NFATC2: variants seen among roughly 807,000 people sequenced by gnomAD.
The protein encoded by NFATC2 is nuclear factor of activated T-cells, cytoplasmic 2.
In NFATC2, 22 loss-of-function variants were observed where a neutral mutation model predicts 87.3. That is an observed-to-expected ratio of 0.25 (90% confidence interval 0.18 to 0.36). The LOEUF (loss-of-function observed/expected upper bound fraction) is 0.36, where lower values mean the gene tolerates loss of function less well. NFATC2 is among the 10% of genes least tolerant of loss of function. The probability of loss-of-function intolerance (pLI) is 1.00; values close to 1 mark genes in which losing one functional copy is unlikely to be tolerated. For synonymous variants in NFATC2, 565 were observed against 542.2 expected (o/e 1.04, Z -0.58); for missense variants, 1,149 against 1,259.1 (o/e 0.91, Z 1.32).
At chr20:51,474,293 C>A in intron 4 of NFATC2, 141 bp from the exon 5 acceptor site, 1 of 968,904 alleles carries the variant, frequency 1.0e-6, no homozygotes, top group South Asian at 2.0e-5. Context: ...GAATGTATAC[C>A]AAGATGGGGG....
intron 3 of NFATC2, among the ~76,000 whole-genome samples, chr20:51,513,844 C>A (rs959283399): frequency 1.3e-5 from 2 of 152,230 alleles, no homozygotes; most frequent in Non-Finnish European, 2.9e-5. Context: ...TGGAGTGGCC[C>A]GCAGGAGGCG....
In NFATC2 at chr20:51,519,705, G is replaced by A. The variant is rs577129054; in HGVS notation, c.1161-2750C>T. 4.7e-5 allele frequency among the ~76,000 whole-genome samples: 7 copies of A among 147,576 alleles called. No individual in the cohort carries two copies. The South Asian group carries it at 1.5e-3, about 32-fold the overall frequency. ...CCAATGCAGGCAGATGACGAGGTCA[G>A]GAGTTTGAGACCAGCCTGACCAACA... On this transcript the variant is annotated intron_variant, in intron 2 of 10. Transcript: ENST00000371564.
chr20:51,537,470 C>T lies in NFATC2; in HGVS notation c.130+4900G>A, dbSNP rs137930606. Among the ~76,000 whole-genome samples the T allele has an allele frequency of 2.3e-3, 350 of 152,120 alleles. 3 individuals carry two copies. Among genetic ancestry groups the T allele is most frequent in the East Asian group, 0.015 (79 of 5,184 alleles). On this transcript the variant is annotated intron_variant, in intron 1 of 10. Transcript: ENST00000371564. The stretch of plus-strand genomic sequence containing the variant: ...GAACCAGTTTTCCTTTCTGAAAGGC[C>T]GAAGTTGGTATTAAATGCTTTAGCT...
chr20:51,458,152 T>C (rs1397117704), intron 5 of NFATC2, among the ~76,000 whole-genome samples: 1 of 152,168 alleles, frequency 6.6e-6, no homozygotes, highest in Non-Finnish European at 1.5e-5. Context: ...GTTGGGATTA[T>C]AGGCACGAGC....
At chr20:51,540,171 C>G (rs2076783251) in intron 1 of NFATC2, among the ~76,000 whole-genome samples, 1 of 152,168 alleles carries the variant, frequency 6.6e-6, no homozygotes. Context: ...TTCCACCATG[C>G]CTGGCTAATT....
intron 1 of NFATC2, among the ~76,000 whole-genome samples, chr20:51,557,285 C>T (rs2076986847): frequency 6.6e-6 from 1 of 152,168 alleles, no homozygotes. Context: ...TATTATTATT[C>T]AGCATTACAG....
chr20:51,557,562 C>G (rs1440843578), intron 1 of NFATC2, among the ~76,000 whole-genome samples: 1 of 152,168 alleles, frequency 6.6e-6, no homozygotes, highest in Non-Finnish European at 1.5e-5. Flanking sequence ...ATGTGAGTAT[C>G]TGTTGGATGG....
intron 10 of NFATC2, among the ~76,000 whole-genome samples, chr20:51,391,800 AC>A (rs2146196673): frequency 6.6e-6 from 1 of 152,122 alleles, no homozygotes; most frequent in East Asian, 1.9e-4. Context: ...ACAGGCATGA[AC>A]CATTCTGCCC....
rs1292962713 is a variant in NFATC2, at chr20:51,562,224, G to A, written c.70+336C>T. On this transcript the variant is annotated intron_variant, in intron 1 of 10. Transcript: ENST00000414705. The surrounding 1 kb of genome is among the most constrained non-coding windows in gnomAD (Gnocchi z 5.8). The stretch of plus-strand genomic sequence containing the variant: ...GCTGTCAAAAGCCGAGTGCTGAAAC[G>A]GTTAAACAGCCAGCGGTTAGTAGCG... Among the ~76,000 whole-genome samples, 1 of 152,212 alleles carries A rather than the reference G, an allele frequency of 6.6e-6. No homozygotes were observed. Among genetic ancestry groups the A allele is most frequent in the Non-Finnish European group, 1.5e-5 (1 of 68,032 alleles).
intron 3 of NFATC2, among the ~76,000 whole-genome samples, chr20:51,481,797 A>C (rs1989282214): frequency 6.6e-6 from 1 of 152,140 alleles, no homozygotes; most frequent in East Asian, 1.9e-4. Context: ...TGATTTAGAC[A>C]TCCCGCCACA....
At chr20:51,538,420 C>A (rs565417087) in intron 1 of NFATC2, among the ~76,000 whole-genome samples, 1 of 152,202 alleles carries the variant, frequency 6.6e-6, no homozygotes, top group Non-Finnish European at 1.5e-5. Flanking sequence ...ACTTCCTTTA[C>A]ATAATTCATA....
chr20:51,536,216 C>T (rs572729778), intron 1 of NFATC2, among the ~76,000 whole-genome samples: 4 of 152,278 alleles, frequency 2.6e-5, no homozygotes, highest in African/African-American at 2.4e-5. Context: ...AAGAGGTGAA[C>T]GTGCACACAT....
chr20:51,536,748 C>G (rs1003248189), intron 1 of NFATC2, among the ~76,000 whole-genome samples: 1 of 152,224 alleles, frequency 6.6e-6, no homozygotes, highest in Non-Finnish European at 1.5e-5. Flanking sequence ...CTCATTTCAC[C>G]TTTCCAGCTG....
chr20:51,463,321 G>T (rs868638831), intron 5 of NFATC2, among the ~76,000 whole-genome samples: 1 of 152,226 alleles, frequency 6.6e-6, no homozygotes, highest in Non-Finnish European at 1.5e-5. Context: ...GGTATGATGT[G>T]TGCAAATGCA....
At chr20:51,495,864 C>T (rs1256422430) in intron 3 of NFATC2, among the ~76,000 whole-genome samples, 1 of 152,166 alleles carries the variant, frequency 6.6e-6, no homozygotes, top group Non-Finnish European at 1.5e-5. Context: ...CTGTGGGAAA[C>T]CTGTGGATCA....
intron 5 of NFATC2, among the ~76,000 whole-genome samples, chr20:51,459,894 GAAACA>G (rs1483826504): frequency 6.6e-6 from 1 of 151,842 alleles, no homozygotes; most frequent in East Asian, 1.9e-4. Context: ...AACAAACAAA[GAAACA>G]AAACAAAACA....
intron 3 of NFATC2, among the ~76,000 whole-genome samples, chr20:51,506,675 A>C (rs2076187293): frequency 6.6e-6 from 1 of 152,200 alleles, no homozygotes; most frequent in South Asian, 2.1e-4. Flanking sequence ...GAAGGGCAGC[A>C]GGGCCAGCTG....
In NFATC2 at chr20:51,435,720, C is replaced by T. The variant is rs1199354701; in HGVS notation, c.1891G>A (p.Asp631Asn). 6.2e-7 allele frequency: 1 copy of T among 1,609,682 alleles called. No individual in the cohort carries two copies. Among genetic ancestry groups the T allele is most frequent in the South Asian group, 1.1e-5 (1 of 89,728 alleles). Residue 631 changes from aspartate to asparagine, a missense_variant, in exon 7 of 11, where the codon GAC becomes AAC. This residue lies in a region of NFATC2 where 581 missense variants were observed against 649.7 expected (regional missense o/e 0.89). Coordinates refer to ENST00000371564, the MANE Select transcript of NFATC2 (RefSeq NM_012340.5). ...IWEMEATVDK[D>N]KSQPNMLFVE... ...CACGTGCTTACGGGCTGGCTCTTGT[C>T]CTTATCCACCGTGGCTTCCATCTCC...
rs550699229 is a variant in NFATC2 at position 51,457,270 on chromosome 20, G to A, written c.1709-2582C>T. 2.2e-3 allele frequency among the ~76,000 whole-genome samples: 338 copies of A among 152,344 alleles called. 1 individual carries two copies. Among genetic ancestry groups the A allele is most frequent in the Non-Finnish European group, 4.3e-3 (292 of 68,038 alleles). ...GGAGCAGCTGGGGGCTTTTGGCCCC[G>A]GGGATGGGTGGTGCAGTGGCGAGAG... On this transcript the variant is annotated intron_variant, in intron 5 of 10. Transcript: ENST00000371564.
Sources: allele counts gnomAD v4.1 joint callset (sites outside exome capture counted in the v4.1 genomes callset), GRCh38; gene constraint gnomAD v4.1.1; regional missense constraint gnomAD v4.1.1; non-coding constraint Gnocchi (gnomAD v3.1); transcripts MANE v1.5; gene names NCBI Gene and HGNC (gene_info 2026-07-23, HGNC 2026-07-21).